RNF44: variants seen among roughly 807,000 people sequenced by gnomAD.
RNF44 encodes ring finger protein 44.
Under a neutral mutation model 53.6 loss-of-function variants are expected in RNF44, and 25 were observed. The ratio of observed to expected loss-of-function variants is 0.47; its 90% CI spans 0.34 to 0.65. The LOEUF (loss-of-function observed/expected upper bound fraction) is 0.65, where lower values mean the gene tolerates loss of function less well. Ranked by LOEUF, RNF44 falls within the 30% of genes least tolerant of loss-of-function variation. The pLI is 0.01. For synonymous variants in RNF44, 282 were observed against 252.2 expected, an observed-to-expected ratio of 1.12 and a Z score of -1.12; for missense variants, 581 against 595.5, an observed-to-expected ratio of 0.98 and a Z score of 0.25.
chr5:176,540,324 C>G (rs979393410), upstream of RNF44, among the ~76,000 whole-genome samples: 2 of 152,194 alleles, frequency 1.3e-5, no homozygotes, highest in Admixed American at 6.5e-5. Context: ...AGTAAGACCA[C>G]CTTTTCCATC....
chr5:176,531,609 G>A lies in RNF44; in HGVS notation c.319C>T (p.Leu107=), dbSNP rs1355824823. 3.7e-6 allele frequency: 6 copies of A among 1,612,444 alleles called. No homozygotes were observed. The highest frequency in any genetic ancestry group is 1.3e-5 in the African/African-American group (1 of 74,884). ...HEQVHQGPVP[L]SYTVTTVTTQ... is the part of the protein sequence containing the mutation. ...GTCACTGTGGTGACCGTGTAGGACA[G>A]AGGGACAGGTCCCTGGTGCACCTGT... Residue 107 remains leucine (L), a synonymous_variant, in exon 4 of 11, where the codon CTG becomes TTG. Coordinates refer to ENST00000274811, the MANE Select transcript of RNF44 (RefSeq NM_014901.5). The surrounding 1 kb of genome is among the most constrained non-coding windows in gnomAD (Gnocchi z 4.2).
chr5:176,529,722 C>T lies in RNF44; in HGVS notation c.1014+9G>A. 5.6e-6 allele frequency: 9 copies of T among 1,611,378 alleles called. No homozygotes were observed. The highest frequency in any genetic ancestry group is 7.6e-6 in the Non-Finnish European group (9 of 1,178,710). On this transcript the variant is annotated intron_variant, in intron 8 of 10. Transcript: ENST00000274811. ...AAACCCCACCTCCCAGCATGGGGCT[C>T]CATGGGACCTCATAGTTCTCCATCT...
upstream of RNF44, chr5:176,537,899 G>C (rs370378423): frequency 6.6e-6 from 1 of 152,204 alleles, no homozygotes; most frequent in African/African-American, 2.4e-5. Context: ...GCAGCACCGC[G>C]CTGACATCAT....
upstream of RNF44, among the ~76,000 whole-genome samples, chr5:176,539,910 C>G (rs1030667147): frequency 1.3e-5 from 2 of 152,176 alleles, no homozygotes; most frequent in African/African-American, 4.8e-5. Context: ...CTGGCTTTCT[C>G]TCCCTGCCAC....
At chr5:176,541,248 C>G (rs955105417), upstream of RNF44, among the ~76,000 whole-genome samples, 1 of 152,178 alleles carries the variant, frequency 6.6e-6, no homozygotes, top group Non-Finnish European at 1.5e-5. Flanking sequence ...TATCCTGATC[C>G]TCTCCTCATC....
At chr5:176,533,277 G>T (rs1044704411) in intron 1 of RNF44, among the ~76,000 whole-genome samples, 1 of 152,150 alleles carries the variant, frequency 6.6e-6, no homozygotes, top group Admixed American at 6.5e-5. Context: ...TCCTGCCCTC[G>T]GGGGCTTCCA....
chr5:176,528,486 G>C lies in RNF44; in HGVS notation c.*542C>G, dbSNP rs927246049. 6.5e-6 allele frequency: 1 copy of C among 154,194 alleles called. No homozygotes were observed. The highest frequency in any genetic ancestry group is 1.4e-5 in the Non-Finnish European group (1 of 69,526). 9.6% of individuals were successfully genotyped at this position (154,194 alleles called of 1,614,324 possible). A position where few individuals can be genotyped will look rare whatever the true frequency, so the allele number is the denominator to read the frequency against. On this transcript the variant is annotated 3_prime_UTR_variant, in exon 11 of 11. Coordinates refer to ENST00000274811, the MANE Select transcript of RNF44 (RefSeq NM_014901.5). Reference sequence around the variant, plus strand: ...TAGGGAACCAGACTCAGCCCTCACAGCAGCCAACACAGAGCCAGCTGCCTG... The same window carrying C: ...TAGGGAACCAGACTCAGCCCTCACACCAGCCAACACAGAGCCAGCTGCCTG...
chr5:176,529,920 C>T, intron 7 of RNF44, 102 bp from the exon 8 acceptor site: 1 of 1,402,760 alleles, frequency 7.1e-7, no homozygotes, highest in South Asian at 1.5e-5. Flanking sequence ...CAGAACGTTG[C>T]AGCGGGGAAG....
At chr5:176,535,461 G>A (rs900768685) in intron 1 of RNF44, among the ~76,000 whole-genome samples, 1 of 152,198 alleles carries the variant, frequency 6.6e-6, no homozygotes, top group Non-Finnish European at 1.5e-5. Context: ...TTTAAGCCCT[G>A]CCAGGAACAG....
In RNF44 at chr5:176,535,526, G is replaced by A. The variant is rs552401548; in HGVS notation, c.-45+1414C>T. On this transcript the variant is annotated intron_variant, in intron 1 of 10. Coordinates refer to ENST00000274811, the MANE Select transcript of RNF44 (RefSeq NM_014901.5). ...ATGGCTGAGAAAACTGGAGCCGAGA[G>A]AAAGGAAGTAAGTTACTCTAGGCCA... Among the ~76,000 whole-genome samples the A allele has an allele frequency of 6.6e-5, 10 of 152,310 alleles. No individual in the cohort carries two copies. The East Asian group carries it at 1.7e-3, about 26-fold the overall frequency.
chr5:176,529,845 A>G (rs762768863), intron 7 of RNF44, 27 bp from the exon 8 acceptor site: 93 of 1,565,674 alleles, frequency 5.9e-5, no homozygotes, highest in Middle Eastern at 5.2e-4. Context: ...GTGGGGGCCC[A>G]GGGTCAAGGT....
In RNF44 at chr5:176,537,391, C is replaced by G. The variant is rs1203383460; in HGVS notation, c.-496G>C. The G allele has an allele frequency of 6.6e-6, 1 of 152,138 alleles. No homozygotes were observed. The highest frequency in any genetic ancestry group is 1.5e-5 in the Non-Finnish European group (1 of 68,002). The allele number at this position is 152,138 out of a possible 1,614,324, so 9.4% of individuals were successfully genotyped here. ...CGGGAGGCTCCGGCAAACAGTAGCC[C>G]GCTGCAAGCCCGCAGGGGCCCCGCC... On this transcript the variant is annotated 5_prime_UTR_variant, in exon 1 of 11. Transcript: ENST00000274811.
At chr5:176,537,821 G>A (rs1316024456), upstream of RNF44, 1 of 152,288 alleles carries the variant, frequency 6.6e-6, no homozygotes, top group East Asian at 1.9e-4. Flanking sequence ...AGCGGCCCAA[G>A]TGGTTATGCT....
upstream of RNF44, among the ~76,000 whole-genome samples, chr5:176,540,905 A>G (rs1171709865): frequency 6.6e-6 from 1 of 152,236 alleles, no homozygotes; most frequent in Non-Finnish European, 1.5e-5. Context: ...TTTCAAATGA[A>G]GCCAGAAATC....
intron 6 of RNF44, among the ~76,000 whole-genome samples, 165 bp from the exon 7 acceptor site, chr5:176,530,371 AAGTCAGCCCGGTG>A (rs1756496687): frequency 2.6e-4 from 18 of 70,376 alleles, no homozygotes; most frequent in South Asian, 4.6e-4. Context: ...GCCCACGTGC[AAGTCAGCCCGGTG>A]GGCCTGCCTC....
rs1246417549 is a variant in RNF44 at position 176,537,270 on chromosome 5, C to A, written c.-375G>T. On this transcript the variant is annotated 5_prime_UTR_variant, in exon 1 of 11. Coordinates refer to ENST00000274811, the MANE Select transcript of RNF44 (RefSeq NM_014901.5). ...CGGCTGGCCCTTTAAGAACTGTCCG[C>A]GGCGGCAGCGGAATGTAACAAACCC... is the stretch of plus-strand genomic sequence containing the variant. The A allele has an allele frequency of 6.6e-6, 1 of 152,280 alleles. No homozygotes were observed. The highest frequency in any genetic ancestry group is 1.5e-5 in the Non-Finnish European group (1 of 68,090). The allele number at this position is 152,280 out of a possible 1,614,324, so 9.4% of individuals were successfully genotyped here.
upstream of RNF44, among the ~76,000 whole-genome samples, chr5:176,539,839 C>T (rs924258933): frequency 6.6e-6 from 1 of 152,176 alleles, no homozygotes; most frequent in Non-Finnish European, 1.5e-5. Context: ...GCTCTTCCTG[C>T]CCGAACTTTT....
chr5:176,538,087 C>G (rs1204246202), upstream of RNF44: 5 of 152,188 alleles, frequency 3.3e-5, no homozygotes, highest in Admixed American at 3.3e-4. Flanking sequence ...CCGCCACGCC[C>G]CCAGCGTGGC....
chr5:176,535,641 G>A (rs1175882894), intron 1 of RNF44, among the ~76,000 whole-genome samples: 1 of 152,204 alleles, frequency 6.6e-6, no homozygotes, highest in Non-Finnish European at 1.5e-5. Flanking sequence ...GTAGCTGGAG[G>A]AAATCACCTA....
Sources: allele counts gnomAD v4.1 joint callset (sites outside exome capture counted in the v4.1 genomes callset), GRCh38; gene constraint gnomAD v4.1.1; non-coding constraint Gnocchi (gnomAD v3.1); transcripts MANE v1.5; gene names NCBI Gene and HGNC (gene_info 2026-07-23, HGNC 2026-07-21).